ARID4B: variants seen among roughly 807,000 people sequenced by gnomAD.
ARID4B encodes AT-rich interaction domain 4B.
Under a neutral mutation model 147.5 loss-of-function variants are expected in ARID4B, and 26 were observed. The ratio of observed to expected loss-of-function variants is 0.18; its 90% confidence interval spans 0.13 to 0.24. ARID4B has a LOEUF of 0.24. ARID4B is among the 10% of genes least tolerant of loss of function. The pLI is 1.00. For synonymous variants in ARID4B, 512 were observed against 507.9 expected (o/e 1.01, Z -0.11); for missense variants, 1,179 against 1,511.5 (o/e 0.78, Z 3.65).
intron 23 of ARID4B, 129 bp from the exon 24 acceptor site, chr1:235,168,781 GTCAAT>G: frequency 1.0e-6 from 1 of 958,832 alleles, no homozygotes; most frequent in Non-Finnish European, 1.5e-6. Flanking sequence ...AACAACAGTG[GTCAAT>G]TCTCACAGTT....
intron 19 of ARID4B, among the ~76,000 whole-genome samples, chr1:235,189,832 G>A (rs944483608): frequency 9.9e-5 from 15 of 152,040 alleles, no homozygotes; most frequent in Admixed American, 5.9e-4. Context: ...CTTGAGCTCA[G>A]AAGTTTGAGA....
At chr1:235,254,545 G>A (rs1001176394) in intron 5 of ARID4B, among the ~76,000 whole-genome samples, 2 of 151,716 alleles carry the variant, frequency 1.3e-5, no homozygotes, top group African/African-American at 2.4e-5. Flanking sequence ...ACTGATGGAA[G>A]GCTTTAAGAT....
At chr1:235,242,637 T>C (rs879602664) in intron 7 of ARID4B, among the ~76,000 whole-genome samples, 8 of 152,142 alleles carry the variant, frequency 5.3e-5, no homozygotes, top group East Asian at 1.9e-4. Flanking sequence ...ATAGAGAAAA[T>C]TGGGCTTTAT....
At chr1:235,243,768 T>C (rs550481448) in intron 7 of ARID4B, among the ~76,000 whole-genome samples, 17 of 152,308 alleles carry the variant, frequency 1.1e-4, no homozygotes, top group South Asian at 2.1e-4. Context: ...ACTTTGTAAA[T>C]TGAAATGTTC....
At chr1:235,177,540 T>C (rs1200299798) in intron 21 of ARID4B, 3 of 271,432 alleles carry the variant, frequency 1.1e-5, no homozygotes, top group Admixed American at 4.8e-5. Context: ...GTTTGTTACA[T>C]AGGTATACAT....
chr1:235,224,243 G>C (rs1043946782), intron 12 of ARID4B, among the ~76,000 whole-genome samples: 4 of 152,182 alleles, frequency 2.6e-5, no homozygotes, highest in Admixed American at 1.3e-4. Context: ...AGATAAGCTA[G>C]AGAATAACAG....
At chr1:235,290,629 G>A (rs1327255354) in intron 2 of ARID4B, among the ~76,000 whole-genome samples, 1 of 152,094 alleles carries the variant, frequency 6.6e-6, no homozygotes. Flanking sequence ...ATGTTACATC[G>A]TAAATCTTAT....
chr1:235,306,768 G>A (rs1673598436), intron 2 of ARID4B, among the ~76,000 whole-genome samples: 2 of 151,914 alleles, frequency 1.3e-5, no homozygotes, highest in African/African-American at 2.4e-5. Flanking sequence ...CGATTCTCAC[G>A]CCTCAGCTTC....
In ARID4B at chr1:235,182,111, A is replaced by T; in HGVS notation, c.2808T>A (p.Pro936=). The change falls in exon 20 of 24, where the codon CCT becomes CCA. Residue 936 remains proline (P), a synonymous_variant. Coordinates refer to ENST00000264183, the MANE Select transcript of ARID4B (RefSeq NM_016374.6). The stretch of plus-strand genomic sequence containing the variant: ...AAAAAAGCTCTTTCAGCGTTTTTTT[A>T]GGCCACTGTCCCTGAATACTTGACC... ...DVWSSIQGQW[P]KKTLKELFSD... is the part of the protein sequence containing the mutation. The T allele has an allele frequency of 6.2e-7, 1 of 1,614,176 alleles. No individual in the cohort carries two copies. Among genetic ancestry groups the T allele is most frequent in the Non-Finnish European group, 8.5e-7 (1 of 1,180,028 alleles).
At chr1:235,247,419 CTG>C (rs935184647) in intron 6 of ARID4B, among the ~76,000 whole-genome samples, 23 of 152,210 alleles carry the variant, frequency 1.5e-4, no homozygotes, top group African/African-American at 5.3e-4. Flanking sequence ...ATGAACAAAA[CTG>C]TGAAAAGATG....
chr1:235,177,921 G>A lies in ARID4B; in HGVS notation c.3335-8C>T, dbSNP rs1664006915. 6.6e-7 allele frequency: 1 copy of A among 1,512,092 alleles called. No individual in the cohort carries two copies. Among genetic ancestry groups the A allele is most frequent in the Non-Finnish European group, 9.0e-7 (1 of 1,115,170 alleles). The allele number at this position is 1,512,092 out of a possible 1,614,324, so 93.7% of individuals were successfully genotyped here. On this transcript the variant is annotated splice_region_variant and splice_polypyrimidine_tract_variant and intron_variant, in intron 20 of 23. Transcript: ENST00000264183. ...TTTTCTGACCTGTACAGGCTATGAA[G>A]GGAAAGGAATTAAGTAACACAAAAT... is the stretch of plus-strand genomic sequence containing the variant.
chr1:235,316,115 T>TTC (rs1285876065), intron 2 of ARID4B, among the ~76,000 whole-genome samples: 1 of 152,186 alleles, frequency 6.6e-6, no homozygotes, highest in Non-Finnish European at 1.5e-5. Context: ...TATAAAATGT[T>TTC]TCCATGGATC....
chr1:235,237,132 C>G (rs1299475665), intron 8 of ARID4B, among the ~76,000 whole-genome samples: 1 of 151,644 alleles, frequency 6.6e-6, no homozygotes, highest in East Asian at 1.9e-4. Flanking sequence ...CTCGGCCTCC[C>G]AAAGTGCTGG....
chr1:235,268,304 G>C (rs1670748426), intron 2 of ARID4B, among the ~76,000 whole-genome samples: 1 of 151,724 alleles, frequency 6.6e-6, no homozygotes, highest in African/African-American at 2.4e-5. Context: ...TCTAAATATT[G>C]GACTGGAATT....
intron 11 of ARID4B, among the ~76,000 whole-genome samples, chr1:235,228,037 T>C (rs539056387): frequency 1.3e-5 from 2 of 152,088 alleles, no homozygotes; most frequent in East Asian, 1.9e-4. Flanking sequence ...GGTTTCACCA[T>C]GTTAGCCAAG....
At position 235,257,236 on chromosome 1, in the gene ARID4B, T is replaced by C. The variant is rs1465427230; in HGVS notation, c.118-11A>G. The stretch of plus-strand genomic sequence containing the variant: ...ATGTCTAAATGTCACCTAGAGATTA[T>C]AAGTTTAATTAGCCACCAAAAATAA... On this transcript the variant is annotated splice_polypyrimidine_tract_variant and intron_variant, in intron 3 of 23. Coordinates refer to ENST00000264183, the MANE Select transcript of ARID4B (RefSeq NM_016374.6). 6.3e-7 allele frequency: 1 copy of C among 1,597,558 alleles called. No homozygotes were observed. The highest frequency in any genetic ancestry group is 1.7e-5 in the Admixed American group (1 of 59,866).
In ARID4B at chr1:235,175,240, T is replaced by C. The variant is rs1663778033; in HGVS notation, c.3608A>G (p.Asp1203Gly). 1.9e-6 allele frequency: 3 copies of C among 1,614,102 alleles called. No individual in the cohort carries two copies. The African/African-American group carries it at 4.0e-5, about 22-fold the overall frequency. ...TAATCGATTACTGGGTTCCTTGAGA[T>C]CAGGATCCTTATCACCATTCTTTCC... Reference protein sequence around the residue: ...KCGKNGDKDPDLKEPSNRLPK... With the variant: ...KCGKNGDKDPGLKEPSNRLPK... Residue 1203 changes from aspartate to glycine, a missense_variant, in exon 22 of 24, where the codon GAT (aspartate) becomes GGT (glycine). Physicochemically the swap from Asp to Gly is moderately conservative, Grantham distance 94. This residue lies in a region of ARID4B where 357 missense variants were observed against 427.3 expected (regional missense o/e 0.84). Coordinates refer to ENST00000264183, the MANE Select transcript of ARID4B (RefSeq NM_016374.6).
intron 2 of ARID4B, among the ~76,000 whole-genome samples, chr1:235,298,419 T>C (rs1301017573): frequency 1.3e-5 from 2 of 151,326 alleles, no homozygotes; most frequent in Non-Finnish European, 2.9e-5. Context: ...TGTTTCAACT[T>C]ATATATTTAG....
At chr1:235,250,661 C>T (rs1287921840) in intron 6 of ARID4B, among the ~76,000 whole-genome samples, 1 of 152,156 alleles carries the variant, frequency 6.6e-6, no homozygotes. Flanking sequence ...CCTAGCACTA[C>T]ACAGCTCCGG....
Sources: gnomAD v4.1 joint callset for allele counts (sites outside exome capture counted in the v4.1 genomes callset) on GRCh38, gnomAD v4.1.1 for gene constraint, gnomAD v4.1.1 regional missense constraint, MANE v1.5 for transcripts, NCBI Gene and HGNC (gene_info 2026-07-23, HGNC 2026-07-21) for gene names.